LARGE1: variants seen among roughly 807,000 people sequenced by gnomAD.
LARGE1 encodes the protein xylosyl- and glucuronyltransferase LARGE1.
A neutral mutation model predicts 87.6 loss-of-function variants in LARGE1; 43 were observed. The observed-to-expected ratio is 0.49, with a 90% confidence interval of 0.38 to 0.63. LARGE1 has a LOEUF of 0.63. Ranked by LOEUF, LARGE1 falls within the 30% of genes least tolerant of loss-of-function variation. LARGE1 has a pLI of 0.00. For synonymous variants in LARGE1, 434 were observed against 394.6 expected (o/e 1.10, Z -1.18); for missense variants, 802 against 1,000.2 (o/e 0.80, Z 2.67).
intron 7 of LARGE1, among the ~76,000 whole-genome samples, chr22:33,431,242 C>G (rs943130796): frequency 1.3e-5 from 2 of 152,172 alleles, no homozygotes; most frequent in African/African-American, 2.4e-5. Context: ...TTATACACCC[C>G]ATGAGGTCAT....
chr22:33,398,549 CT>C (rs1265318618), intron 7 of LARGE1, among the ~76,000 whole-genome samples: 2 of 152,312 alleles, frequency 1.3e-5, no homozygotes, highest in South Asian at 2.1e-4. Flanking sequence ...CAGATAGTTC[CT>C]TTTAACCACA....
At position 33,273,856 on chromosome 22, in the gene LARGE1, T is replaced by A; in HGVS notation, c.*571A>T. 7.8e-6 allele frequency: 3 copies of A among 384,850 alleles called. No individual in the cohort carries two copies. Among genetic ancestry groups the A allele is most frequent in the Non-Finnish European group, 1.4e-5 (3 of 218,018 alleles). The allele number at this position is 384,850 out of a possible 1,614,324, so 23.8% of individuals were successfully genotyped here. ...GTGACTTTGGGGATAAGGAAACCCA[T>A]CAACCCCACCTCCAGGACCCTCTGG... is the stretch of plus-strand genomic sequence containing the variant. On this transcript the variant is annotated 3_prime_UTR_variant, in exon 15 of 15. Transcript: ENST00000397394.
rs555819631 is a variant in LARGE1 at position 33,905,206 on chromosome 22, G to C, written c.-83+14789C>G. Among the ~76,000 whole-genome samples the C allele has an allele frequency of 3.3e-5, 5 of 151,712 alleles. No individual in the cohort carries two copies. The East Asian group carries it at 9.7e-4, about 29-fold the overall frequency. ...AGTCTCCTGAGTAGATGGGACCACA[G>C]GCATGCACCAGGATGCCCAGCTGAT... On this transcript the variant is annotated intron_variant, in intron 1 of 14. Coordinates refer to ENST00000397394, the MANE Select transcript of LARGE1 (RefSeq NM_133642.5).
downstream of LARGE1, among the ~76,000 whole-genome samples, chr22:33,269,923 T>G (rs1036731483): frequency 6.7e-5 from 10 of 150,352 alleles, no homozygotes; most frequent in Admixed American, 2.0e-4. Context: ...GAGAATGGTG[T>G]GAACCTGGGA....
chr22:33,333,698 G>C (rs1938042493), intron 10 of LARGE1, among the ~76,000 whole-genome samples: 1 of 152,198 alleles, frequency 6.6e-6, no homozygotes, highest in South Asian at 2.1e-4. Context: ...TGTTAGGACG[G>C]AGAACCTCAG....
intron 6 of LARGE1, among the ~76,000 whole-genome samples, chr22:33,556,920 C>G (rs2148732215): frequency 6.6e-6 from 1 of 152,158 alleles, no homozygotes; most frequent in South Asian, 2.1e-4. Flanking sequence ...GCAGGGGAAT[C>G]ACTTGAACCC....
chr22:33,314,464 T>C (rs1035463610), intron 11 of LARGE1, among the ~76,000 whole-genome samples: 1 of 152,200 alleles, frequency 6.6e-6, no homozygotes, highest in Non-Finnish European at 1.5e-5. Flanking sequence ...CTCAAGTGCC[T>C]TTATGAAAAC....
intron 1 of LARGE1, among the ~76,000 whole-genome samples, chr22:33,909,567 G>A (rs140204946): frequency 8.4e-4 from 126 of 150,530 alleles, no homozygotes; most frequent in African/African-American, 2.9e-3. Context: ...ACGGAGTCTC[G>A]CTCTGTCATC....
intron 4 of LARGE1, among the ~76,000 whole-genome samples, chr22:33,621,774 T>C (rs1324047707): frequency 3.3e-5 from 5 of 152,166 alleles, no homozygotes; most frequent in Non-Finnish European, 7.3e-5. Flanking sequence ...ATTTGTATAA[T>C]TTCAGGGATG....
intron 10 of LARGE1, among the ~76,000 whole-genome samples, chr22:33,327,862 C>A (rs1422870100): frequency 1.3e-5 from 2 of 152,096 alleles, no homozygotes; most frequent in Non-Finnish European, 2.9e-5. Flanking sequence ...TTTTCTGAGT[C>A]CAAGTGGAGG....
chr22:33,305,526 C>G (rs1321938895), intron 11 of LARGE1: 1 of 949,952 alleles, frequency 1.1e-6, no homozygotes, highest in Non-Finnish European at 1.3e-6. Flanking sequence ...AATTGTTTTT[C>G]CTTACCCAGC....
rs930640166 is a variant in LARGE1 at position 33,347,162 on chromosome 22, T to C, written c.1132-9361A>G. 2.0e-4 allele frequency among the ~76,000 whole-genome samples: 30 copies of C among 152,242 alleles called. 1 individual carries two copies. The highest frequency in any genetic ancestry group is 1.5e-5 in the Non-Finnish European group (1 of 68,038). ...TTCTGATTCTCATTGTAAGCATTCC[T>C]AACATAACACCCTAGGCAATTGCTA... On this transcript the variant is annotated intron_variant, in intron 9 of 14. Coordinates refer to ENST00000397394, the MANE Select transcript of LARGE1 (RefSeq NM_133642.5).
chr22:33,575,218 C>A (rs570132464), intron 5 of LARGE1, among the ~76,000 whole-genome samples: 137 of 152,282 alleles, frequency 9.0e-4, no homozygotes, highest in Middle Eastern at 3.4e-3. Flanking sequence ...ATCATTTACA[C>A]TGGATCAACA....
chr22:33,474,765 G>C (rs1423021184), intron 6 of LARGE1, among the ~76,000 whole-genome samples: 1 of 152,162 alleles, frequency 6.6e-6, no homozygotes, highest in Non-Finnish European at 1.5e-5. Flanking sequence ...ACAGCTTACA[G>C]GAAAATAAGG....
intron 6 of LARGE1, among the ~76,000 whole-genome samples, chr22:33,561,122 G>A (rs2077845170): frequency 6.6e-6 from 1 of 152,192 alleles, no homozygotes; most frequent in Non-Finnish European, 1.5e-5. Flanking sequence ...TAACTTTCAA[G>A]TGTGCAAAGC....
chr22:33,386,530 A>G (rs1030547078), intron 7 of LARGE1, among the ~76,000 whole-genome samples: 2 of 148,872 alleles, frequency 1.3e-5, no homozygotes, highest in African/African-American at 4.9e-5. Flanking sequence ...TCTGGGGGAA[A>G]AAAACGGCCG....
chr22:33,586,858 A>C (rs542258288), intron 5 of LARGE1, among the ~76,000 whole-genome samples: 2 of 152,340 alleles, frequency 1.3e-5, no homozygotes, highest in East Asian at 3.9e-4. Flanking sequence ...AGAAAAATAT[A>C]GTTTTAAAAA....
intron 11 of LARGE1, among the ~76,000 whole-genome samples, chr22:33,234,409 T>A (rs1183030743): frequency 6.6e-6 from 1 of 152,236 alleles, no homozygotes; most frequent in Non-Finnish European, 1.5e-5. Context: ...TGATGAGCAT[T>A]AATGACTGCC....
chr22:33,795,574 G>A (rs143622664), intron 1 of LARGE1, among the ~76,000 whole-genome samples: 17 of 152,128 alleles, frequency 1.1e-4, no homozygotes, highest in African/African-American at 2.7e-4. Context: ...TGTTTACTGC[G>A]GCACTATTCA....
Sources: allele counts gnomAD v4.1 joint callset (sites outside exome capture counted in the v4.1 genomes callset), GRCh38; gene constraint gnomAD v4.1.1; transcripts MANE v1.5; gene names NCBI Gene and HGNC (gene_info 2026-07-23, HGNC 2026-07-21).